The following ZNF804B variants were observed in gnomAD, a reference collection of about 807,000 sequenced individuals.
ZNF804B encodes zinc finger 804B.
A neutral mutation model predicts 101.4 loss-of-function variants in ZNF804B; 80 were observed. That is an observed-to-expected ratio of 0.79 (90% CI 0.66 to 0.95). ZNF804B has a LOEUF of 0.95. Ranked by LOEUF, ZNF804B falls within the 40% of genes least tolerant of loss-of-function variation. ZNF804B has a pLI of 0.00. For missense variants in ZNF804B, 1,673 were observed against 1,561.9 expected, an observed-to-expected ratio of 1.07 and a Z score of -1.20; for synonymous variants, 622 against 558.8, an observed-to-expected ratio of 1.11 and a Z score of -1.59.
chr7:89,193,320 G>C (rs188066160), intron 1 of ZNF804B, among the ~76,000 whole-genome samples: 1 of 139,390 alleles, frequency 7.2e-6, no homozygotes, highest in African/African-American at 2.6e-5. Context: ...TTTTTTATTC[G>C]TATTATTATA....
At chr7:89,119,865 A>G (rs966164522) in intron 1 of ZNF804B, among the ~76,000 whole-genome samples, 4 of 152,204 alleles carry the variant, frequency 2.6e-5, no homozygotes, top group African/African-American at 9.6e-5. Context: ...ATGAGTTTCT[A>G]TATTGTTTGT....
intron 1 of ZNF804B, among the ~76,000 whole-genome samples, chr7:88,937,980 G>A (rs925026159): frequency 3.9e-5 from 6 of 152,026 alleles, no homozygotes; most frequent in Non-Finnish European, 7.4e-5. Flanking sequence ...GGAGGTCCTG[G>A]GAACATGTGC....
At chr7:88,990,307 G>A (rs1793826939) in intron 1 of ZNF804B, among the ~76,000 whole-genome samples, 1 of 151,820 alleles carries the variant, frequency 6.6e-6, no homozygotes, top group African/African-American at 2.4e-5. Context: ...AGGTCTTTGG[G>A]TATTTTTTAA....
At chr7:88,930,781 G>A (rs1792871015) in intron 1 of ZNF804B, among the ~76,000 whole-genome samples, 1 of 151,838 alleles carries the variant, frequency 6.6e-6, no homozygotes, top group South Asian at 2.1e-4. Context: ...GAGAAATTAA[G>A]AATTATAAAA....
At chr7:88,935,850 A>G (rs547973808) in intron 1 of ZNF804B, among the ~76,000 whole-genome samples, 1 of 152,020 alleles carries the variant, frequency 6.6e-6, no homozygotes, top group East Asian at 1.9e-4. Flanking sequence ...GAACCTCCTT[A>G]GAATCTCTTC....
chr7:88,902,659 A>G (rs2115956247), intron 1 of ZNF804B, among the ~76,000 whole-genome samples: 1 of 152,176 alleles, frequency 6.6e-6, no homozygotes, highest in East Asian at 1.9e-4. Context: ...TATAAGAGAA[A>G]ATGTAATTTC....
chr7:88,979,805 T>C (rs1040285483), intron 1 of ZNF804B, among the ~76,000 whole-genome samples: 12 of 151,854 alleles, frequency 7.9e-5, no homozygotes, highest in Non-Finnish European at 1.5e-4. Flanking sequence ...AAGCTTTCTA[T>C]CCCAAACTCT....
chr7:89,246,413 C>A (rs1182345228), intron 2 of ZNF804B, among the ~76,000 whole-genome samples: 2 of 150,938 alleles, frequency 1.3e-5, no homozygotes, highest in African/African-American at 5.0e-5. Context: ...TTGCCTGGAC[C>A]AGCAGCTTAA....
At chr7:89,289,656 C>T (rs764861769) in intron 2 of ZNF804B, among the ~76,000 whole-genome samples, 1 of 151,764 alleles carries the variant, frequency 6.6e-6, no homozygotes, top group Non-Finnish European at 1.5e-5. Context: ...ATGGAGGGAG[C>T]ATTTAGACCA....
intron 1 of ZNF804B, among the ~76,000 whole-genome samples, chr7:88,803,457 T>C (rs189632127): frequency 6.6e-6 from 1 of 152,250 alleles, no homozygotes; most frequent in East Asian, 1.9e-4. Context: ...GGTGAGTCTT[T>C]AAAGAATTTG....
chr7:88,851,335 C>T (rs1211679294), intron 1 of ZNF804B, among the ~76,000 whole-genome samples: 1 of 151,940 alleles, frequency 6.6e-6, no homozygotes, highest in African/African-American at 2.4e-5. Context: ...AAGCACATTA[C>T]CATCAAATTG....
At position 89,020,805 on chromosome 7, in the gene ZNF804B, T is replaced by A. The variant is rs533046262; in HGVS notation, c.109-197350T>A. 2.0e-5 allele frequency among the ~76,000 whole-genome samples: 3 copies of A among 152,272 alleles called. No individual in the cohort carries two copies. The East Asian group carries it at 5.8e-4, about 29-fold the overall frequency. On this transcript the variant is annotated intron_variant, in intron 1 of 3. Coordinates refer to ENST00000333190, the MANE Select transcript of ZNF804B (RefSeq NM_181646.5). The stretch of plus-strand genomic sequence containing the variant: ...GCTCATTGAATTCTTCAGCTGTAAG[T>A]GTTTTGGGTTATTTTTATGATGTCT...
chr7:89,308,295 G>A (rs907861723), intron 2 of ZNF804B, among the ~76,000 whole-genome samples: 5 of 152,054 alleles, frequency 3.3e-5, no homozygotes, highest in Non-Finnish European at 7.4e-5. Context: ...AATAAGAGAT[G>A]GTTCATTATT....
intron 1 of ZNF804B, among the ~76,000 whole-genome samples, chr7:88,924,963 A>G (rs1792774780): frequency 2.0e-5 from 3 of 152,326 alleles, no homozygotes; most frequent in East Asian, 3.9e-4. Flanking sequence ...TCTAAAAATC[A>G]CTGAAATCTC....
At chr7:89,247,328 G>A (rs1392435611) in intron 2 of ZNF804B, among the ~76,000 whole-genome samples, 1 of 152,164 alleles carries the variant, frequency 6.6e-6, no homozygotes, top group Non-Finnish European at 1.5e-5. Context: ...TCAGGCCATT[G>A]CCTGAGGCAA....
At chr7:89,177,004 T>G (rs1272754418) in intron 1 of ZNF804B, among the ~76,000 whole-genome samples, 2 of 152,144 alleles carry the variant, frequency 1.3e-5, no homozygotes, top group African/African-American at 4.8e-5. Flanking sequence ...CTGTCTGATT[T>G]TATTTACTTC....
intron 1 of ZNF804B, among the ~76,000 whole-genome samples, chr7:88,862,742 A>G (rs956846757): frequency 9.2e-5 from 14 of 152,178 alleles, no homozygotes; most frequent in Admixed American, 6.5e-5. Flanking sequence ...GTAGGTGCCA[A>G]CTATGAACCC....
intron 1 of ZNF804B, among the ~76,000 whole-genome samples, chr7:88,978,426 C>A (rs1490789432): frequency 6.6e-6 from 1 of 151,706 alleles, no homozygotes; most frequent in Non-Finnish European, 1.5e-5. Flanking sequence ...TATACATTTG[C>A]AATTGTTATA....
intron 1 of ZNF804B, among the ~76,000 whole-genome samples, chr7:89,129,129 CT>C (rs1280601290): frequency 2.0e-5 from 3 of 151,882 alleles, no homozygotes; most frequent in African/African-American, 7.3e-5. Context: ...TTGAATAATT[CT>C]TGGGTATTAA....
Sources: allele counts gnomAD v4.1 joint callset (sites outside exome capture counted in the v4.1 genomes callset), GRCh38; gene constraint gnomAD v4.1.1; transcripts MANE v1.5; gene names NCBI Gene and HGNC (gene_info 2026-07-23, HGNC 2026-07-21).